Variants in HDAC4 observed in about 807,000 individuals in gnomAD.
The protein encoded by HDAC4 is histone deacetylase 4, also known as histone deacetylase A.
Under a neutral mutation model 135.1 loss-of-function variants are expected in HDAC4, and 16 were observed. That is an observed-to-expected ratio of 0.12 (90% CI 0.08 to 0.18). The LOEUF (loss-of-function observed/expected upper bound fraction) is 0.18, where lower values mean the gene tolerates loss of function less well. Among genes scored for constraint, HDAC4 ranks in the 10% least tolerant of loss-of-function variants. The probability of loss-of-function intolerance (pLI) is 1.00; values close to 1 mark genes in which losing one functional copy is unlikely to be tolerated. For missense variants in HDAC4, 1,143 were observed against 1,511.8 expected (o/e 0.76, Z 4.05); for synonymous variants, 685 against 653.4 (o/e 1.05, Z -0.74).
rs923794602 is a variant in HDAC4, at chr2:239,051,939, A to G, written c.*1158T>C. On this transcript the variant is annotated 3_prime_UTR_variant, in exon 27 of 27. Transcript: ENST00000543185. ...AAGTAAGTTTCTTAGCTTGGAATAC[A>G]TTGGAATATATATTATACATATATA... The G allele has an allele frequency of 6.6e-6, 1 of 151,546 alleles. No individual in the cohort carries two copies. Among genetic ancestry groups the G allele is most frequent in the Middle Eastern group, 3.4e-3 (1 of 290 alleles). The allele number at this position is 151,546 out of a possible 1,614,324, so 9.4% of individuals were successfully genotyped here. A position where few individuals can be genotyped will look rare whatever the true frequency, so the allele number is the denominator to read the frequency against.
chr2:239,232,375 T>A (rs1466883279), intron 3 of HDAC4, among the ~76,000 whole-genome samples: 1 of 152,216 alleles, frequency 6.6e-6, no homozygotes, highest in Admixed American at 6.5e-5. Context: ...GTCCTCAAAC[T>A]GCAACATCTC....
In HDAC4 at chr2:239,341,718, T is replaced by G. The variant is rs546150630; in HGVS notation, c.22+10960A>C. Among the ~76,000 whole-genome samples the G allele has an allele frequency of 2.0e-5, 3 of 152,366 alleles. No individual in the cohort carries two copies. In the South Asian group the frequency reaches 6.2e-4, roughly 32 times the overall value. ...AAACTCATAGGTATTTAAAAAGGAATACCTTTGGCTATGAATGCAAACTAA... is the reference window on the plus strand; with the variant it reads ...AAACTCATAGGTATTTAAAAAGGAAGACCTTTGGCTATGAATGCAAACTAA... On this transcript the variant is annotated intron_variant, in intron 2 of 26. Transcript: ENST00000543185.
At chr2:239,186,340 T>C (rs1237519401) in intron 4 of HDAC4, 1 of 152,248 alleles carries the variant, frequency 6.6e-6, no homozygotes, top group Non-Finnish European at 1.5e-5. Context: ...GTTCAAGAAA[T>C]CTGTCTGACA....
intron 9 of HDAC4, among the ~76,000 whole-genome samples, chr2:239,136,221 G>T (rs986739883): frequency 2.6e-5 from 4 of 152,148 alleles, no homozygotes; most frequent in Admixed American, 6.5e-5. Flanking sequence ...ATAGATAACA[G>T]ATTTCATTAT....
chr2:239,290,505 T>TGGAGAGAAA (rs1457237793), intron 2 of HDAC4, among the ~76,000 whole-genome samples: 1 of 152,082 alleles, frequency 6.6e-6, no homozygotes, highest in Admixed American at 6.5e-5. Context: ...AAGAGAGTTT[T>TGGAGAGAAA]GGAGAGAAAG....
At chr2:239,338,288 A>G (rs1163206437) in intron 2 of HDAC4, among the ~76,000 whole-genome samples, 1 of 151,998 alleles carries the variant, frequency 6.6e-6, no homozygotes, top group African/African-American at 2.4e-5. Flanking sequence ...CTTCCTATCC[A>G]CCACGTCCCT....
chr2:239,300,733 C>A (rs1333885675), intron 2 of HDAC4, among the ~76,000 whole-genome samples: 1 of 152,218 alleles, frequency 6.6e-6, no homozygotes, highest in Non-Finnish European at 1.5e-5. Context: ...GTAAAAACAC[C>A]CGAACTCCCC....
At chr2:239,203,175 G>A (rs2045862334) in intron 3 of HDAC4, among the ~76,000 whole-genome samples, 2 of 152,200 alleles carry the variant, frequency 1.3e-5, no homozygotes, top group South Asian at 2.1e-4. Flanking sequence ...AACACCAAGG[G>A]GAAGAGCTCA....
At chr2:239,228,294 C>G (rs1210446944) in intron 3 of HDAC4, among the ~76,000 whole-genome samples, 2 of 152,156 alleles carry the variant, frequency 1.3e-5, no homozygotes, top group African/African-American at 2.4e-5. Context: ...TGTGCTGCCC[C>G]CATGTCTGCC....
chr2:239,353,161 A>G (rs1217795684), intron 1 of HDAC4, among the ~76,000 whole-genome samples: 4 of 152,140 alleles, frequency 2.6e-5, no homozygotes, highest in Admixed American at 6.5e-5. Context: ...ACACAGGTGC[A>G]TGCCACCAGG....
intron 11 of HDAC4, among the ~76,000 whole-genome samples, chr2:239,127,452 G>A (rs1372896473): frequency 2.0e-5 from 3 of 152,130 alleles, no homozygotes; most frequent in African/African-American, 7.2e-5. Flanking sequence ...TGCGTTCATC[G>A]AGATATATAT....
intron 3 of HDAC4, among the ~76,000 whole-genome samples, chr2:239,218,811 C>T (rs1575439285): frequency 6.7e-6 from 1 of 148,228 alleles, no homozygotes; most frequent in East Asian, 2.0e-4. Flanking sequence ...GGGCGAAGGA[C>T]ATGAACAGAC....
At chr2:239,125,741 C>T (rs1307679044) in intron 12 of HDAC4, among the ~76,000 whole-genome samples, 1 of 152,248 alleles carries the variant, frequency 6.6e-6, no homozygotes, top group Non-Finnish European at 1.5e-5. Flanking sequence ...TAGTTTTCCT[C>T]TTCACGAGCA....
In HDAC4 at chr2:239,364,013, G is replaced by A. The variant is rs531908222; in HGVS notation, c.-219-11095C>T. Among the ~76,000 whole-genome samples, 7 of 152,222 alleles carry A rather than the reference G, an allele frequency of 4.6e-5. No homozygotes were observed. The South Asian group carries it at 1.0e-3, about 23-fold the overall frequency. Reference sequence around the variant, plus strand: ...CAGGGAAACGCGATAAAGCCACAACGGAACACTCCATACCCACCAAAATGG... The same window carrying A: ...CAGGGAAACGCGATAAAGCCACAACAGAACACTCCATACCCACCAAAATGG... On this transcript the variant is annotated intron_variant, in intron 1 of 26. Coordinates refer to ENST00000543185, the MANE Select transcript of HDAC4 (RefSeq NM_001378414.1).
chr2:239,222,534 CAAAA>C (rs10716644), intron 3 of HDAC4, among the ~76,000 whole-genome samples: 1 of 112,254 alleles, frequency 8.9e-6, no homozygotes, highest in African/African-American at 3.5e-5. Flanking sequence ...TACCCCATAC[CAAAA>C]AAAAAAAAAA....
intron 2 of HDAC4, among the ~76,000 whole-genome samples, chr2:239,237,019 C>T (rs2047925101): frequency 6.6e-6 from 1 of 152,116 alleles, no homozygotes; most frequent in African/African-American, 2.4e-5. Flanking sequence ...AAGAGCAGCT[C>T]TTCCTCTTCT....
chr2:239,056,921 G>A (rs1353227786), intron 24 of HDAC4, among the ~76,000 whole-genome samples: 1 of 152,154 alleles, frequency 6.6e-6, no homozygotes, highest in Non-Finnish European at 1.5e-5. Flanking sequence ...TGAACTGAAG[G>A]GCAGTCTGCA....
At chr2:239,208,127 C>A (rs1223994299) in intron 3 of HDAC4, among the ~76,000 whole-genome samples, 4 of 151,762 alleles carry the variant, frequency 2.6e-5, no homozygotes, top group African/African-American at 9.7e-5. Context: ...TGGAGACCAT[C>A]CTGGCTAACA....
In HDAC4 at chr2:239,051,761, A is replaced by G. The variant is rs1325882901; in HGVS notation, c.*1336T>C. The stretch of plus-strand genomic sequence containing the variant: ...GGAGCTTGAGAAAACATGAATTTCA[A>G]TCAATCAGGATCCCTTTCCATAAGC... On this transcript the variant is annotated 3_prime_UTR_variant, in exon 27 of 27. Coordinates refer to ENST00000543185, the MANE Select transcript of HDAC4 (RefSeq NM_001378414.1). 6.6e-6 allele frequency: 1 copy of G among 152,430 alleles called. No homozygotes were observed. The highest frequency in any genetic ancestry group is 1.5e-5 in the Non-Finnish European group (1 of 68,028). 9.4% of individuals were successfully genotyped at this position (152,430 alleles called of 1,614,324 possible).
Sources: allele counts gnomAD v4.1 joint callset (sites outside exome capture counted in the v4.1 genomes callset), GRCh38; gene constraint gnomAD v4.1.1; transcripts MANE v1.5; gene names NCBI Gene and HGNC (gene_info 2026-07-23, HGNC 2026-07-21).